IKZF2: variants seen among roughly 807,000 people sequenced by gnomAD.
IKZF2 encodes zinc finger protein Helios.
In IKZF2, 15 loss-of-function variants were observed where a neutral mutation model predicts 49.2. That is an observed-to-expected ratio of 0.30 (90% CI 0.20 to 0.47). The LOEUF is 0.47. Among genes scored for constraint, IKZF2 ranks in the 20% least tolerant of loss-of-function variants. The probability of loss-of-function intolerance (pLI) is 1.00; values close to 1 mark genes in which losing one functional copy is unlikely to be tolerated. For missense variants in IKZF2, 567 were observed against 664.6 expected (o/e 0.85, Z 1.61); for synonymous variants, 227 against 221.4 (o/e 1.03, Z -0.23).
chr2:213,016,801 C>G (rs1459395302), intron 7 of IKZF2: 1 of 152,024 alleles, frequency 6.6e-6, no homozygotes, highest in Non-Finnish European at 1.5e-5. Context: ...TTTGAAAAAC[C>G]AAACAGTTCA....
chr2:213,105,124 T>A (rs2059480874), intron 4 of IKZF2, among the ~76,000 whole-genome samples: 1 of 152,170 alleles, frequency 6.6e-6, no homozygotes, highest in Admixed American at 6.5e-5. Context: ...CTTCCCTTAA[T>A]GCTTTGACTG....
At chr2:213,068,451 C>G (rs1351397146) in intron 4 of IKZF2, among the ~76,000 whole-genome samples, 1 of 152,046 alleles carries the variant, frequency 6.6e-6, no homozygotes, top group African/African-American at 2.4e-5. Flanking sequence ...GCTTAAAAGC[C>G]TACCTGCCTG....
intron 2 of IKZF2, among the ~76,000 whole-genome samples, chr2:213,149,923 G>T (rs2061222584): frequency 6.6e-6 from 1 of 152,088 alleles, no homozygotes; most frequent in Non-Finnish European, 1.5e-5. Context: ...AGGCTTTAAA[G>T]AAAGAGATCC....
chr2:213,124,249 C>CGA (rs1274298205), intron 4 of IKZF2, among the ~76,000 whole-genome samples: 2 of 100,624 alleles, frequency 2.0e-5, no homozygotes, highest in Non-Finnish European at 3.8e-5. Flanking sequence ...CTCGCGCGCG[C>CGA]GCGCACACAC....
chr2:213,038,997 C>T (rs1206666552), intron 6 of IKZF2, among the ~76,000 whole-genome samples: 1 of 151,760 alleles, frequency 6.6e-6, no homozygotes, highest in African/African-American at 2.4e-5. Flanking sequence ...ATCCAAGCCA[C>T]ATGGTAATTT....
At chr2:213,053,472 T>C (rs934651713) in intron 5 of IKZF2, among the ~76,000 whole-genome samples, 2 of 152,212 alleles carry the variant, frequency 1.3e-5, no homozygotes, top group African/African-American at 4.8e-5. Flanking sequence ...ATGCATCAAC[T>C]TGCTTTGGTG....
At chr2:213,030,881 A>C (rs1325728013) in intron 6 of IKZF2, among the ~76,000 whole-genome samples, 1 of 148,798 alleles carries the variant, frequency 6.7e-6, no homozygotes, top group East Asian at 2.0e-4. Flanking sequence ...GCAGGAGTGC[A>C]CTGGTGCCAC....
At position 213,077,689 on chromosome 2, in the gene IKZF2, G is replaced by A. The variant is rs372059651; in HGVS notation, c.140-20590C>T. Among the ~76,000 whole-genome samples the A allele has an allele frequency of 9.2e-5, 13 of 141,160 alleles. No individual in the cohort carries two copies. In the South Asian group the frequency reaches 2.8e-3, roughly 30 times the overall value. The allele number at this position is 141,160 out of a possible 152,430, so 92.6% of individuals were successfully genotyped here. A position where few individuals can be genotyped will look rare whatever the true frequency, so the allele number is the denominator to read the frequency against. On this transcript the variant is annotated intron_variant, in intron 4 of 8. Coordinates refer to ENST00000434687, the MANE Select transcript of IKZF2 (RefSeq NM_001387220.1). ...TGCAAGCTCCACCTCCCAGGTTCAC[G>A]CCATTCTCCTGCCCCAGCCTCCCAA...
chr2:213,081,670 G>A (rs375317976), intron 4 of IKZF2, among the ~76,000 whole-genome samples: 19 of 152,168 alleles, frequency 1.2e-4, no homozygotes, highest in Non-Finnish European at 1.8e-4. Context: ...TAACATGTGC[G>A]AATGCAATGG....
chr2:213,058,424 T>C (rs1574663329), intron 4 of IKZF2, among the ~76,000 whole-genome samples: 4 of 152,158 alleles, frequency 2.6e-5, no homozygotes, highest in South Asian at 4.1e-4. Flanking sequence ...CTATGGTTGC[T>C]GTGAGCATTA....
At chr2:213,029,729 G>A (rs1272906604) in intron 6 of IKZF2, among the ~76,000 whole-genome samples, 1 of 151,988 alleles carries the variant, frequency 6.6e-6, no homozygotes, top group Non-Finnish European at 1.5e-5. Flanking sequence ...TTTCCCAAAT[G>A]GATAAAAAGT....
At chr2:213,046,257 G>C (rs1304857619) in intron 6 of IKZF2, among the ~76,000 whole-genome samples, 4 of 152,036 alleles carry the variant, frequency 2.6e-5, no homozygotes, top group Non-Finnish European at 4.4e-5. Flanking sequence ...GCATTTCCTT[G>C]GTATATTTTC....
chr2:213,103,296 A>C (rs1380888104), intron 4 of IKZF2, among the ~76,000 whole-genome samples: 2 of 152,174 alleles, frequency 1.3e-5, no homozygotes, highest in Non-Finnish European at 2.9e-5. Context: ...AACTAATGGC[A>C]ATGCTTAGAT....
rs145708083 is a variant in IKZF2 at position 213,003,618 on chromosome 2, A to G, written c.*3742T>C. ...TGCTCTTTTTGTACCCTAAGAAATC[A>G]TTTTGGAGATAGGATGAAATAAAAT... On this transcript the variant is annotated 3_prime_UTR_variant, in exon 9 of 9. Transcript: ENST00000434687. The G allele has an allele frequency of 6.6e-6, 1 of 151,686 alleles. No homozygotes were observed. Among genetic ancestry groups the G allele is most frequent in the African/African-American group, 2.4e-5 (1 of 41,388 alleles). The allele number at this position is 151,686 out of a possible 1,614,324, so 9.4% of individuals were successfully genotyped here. A position where few individuals can be genotyped will look rare whatever the true frequency, so the allele number is the denominator to read the frequency against.
chr2:213,084,977 A>G (rs1704405815), intron 4 of IKZF2, among the ~76,000 whole-genome samples: 1 of 152,218 alleles, frequency 6.6e-6, no homozygotes. Flanking sequence ...TAGTGAATCT[A>G]CACCGCAAAT....
intron 4 of IKZF2, among the ~76,000 whole-genome samples, chr2:213,108,280 T>A (rs894319508): frequency 1.3e-5 from 2 of 152,192 alleles, no homozygotes; most frequent in Admixed American, 6.5e-5. Flanking sequence ...TTACAAATTT[T>A]AAAAAATTTC....
chr2:213,090,312 A>G (rs947936475), intron 4 of IKZF2, among the ~76,000 whole-genome samples: 1 of 152,194 alleles, frequency 6.6e-6, no homozygotes, highest in Non-Finnish European at 1.5e-5. Context: ...TCACTAAAGT[A>G]TATGTGTCTT....
At chr2:213,119,590 C>T (rs546495323) in intron 4 of IKZF2, among the ~76,000 whole-genome samples, 1 of 152,250 alleles carries the variant, frequency 6.6e-6, no homozygotes, top group East Asian at 1.9e-4. Context: ...AAGGAAGTCC[C>T]TAGTAATTTT....
intron 5 of IKZF2, among the ~76,000 whole-genome samples, chr2:213,053,227 G>A (rs546190200): frequency 1.4e-4 from 22 of 152,130 alleles, no homozygotes; most frequent in African/African-American, 3.4e-4. Context: ...AAACTGGATC[G>A]AGGAAAATAA....
Sources: gnomAD v4.1 joint callset for allele counts (sites outside exome capture counted in the v4.1 genomes callset) on GRCh38, gnomAD v4.1.1 for gene constraint, MANE v1.5 for transcripts, NCBI Gene and HGNC (gene_info 2026-07-23, HGNC 2026-07-21) for gene names.